The following RBFOX1 variants were observed in gnomAD, a reference collection of about 807,000 sequenced individuals.
RBFOX1 encodes the protein RNA binding protein fox-1 homolog 1.
Under a neutral mutation model 57.7 loss-of-function variants are expected in RBFOX1, and 8 were observed. The ratio of observed to expected loss-of-function variants is 0.14; its 90% confidence interval spans 0.08 to 0.25. The LOEUF (loss-of-function observed/expected upper bound fraction) is 0.25, where lower values mean the gene tolerates loss of function less well. RBFOX1 is among the 10% of genes least tolerant of loss of function. The pLI is 1.00. For synonymous variants in RBFOX1, 326 were observed against 222.4 expected, an observed-to-expected ratio of 1.47 and a Z score of -4.15; for missense variants, 611 against 548.5, an observed-to-expected ratio of 1.11 and a Z score of -1.14.
intron 3 of RBFOX1, among the ~76,000 whole-genome samples, chr16:6,794,815 T>C (rs2154251448): frequency 6.6e-6 from 1 of 152,270 alleles, no homozygotes; most frequent in Non-Finnish European, 1.5e-5. Context: ...CATGGATTTT[T>C]ATTTGATGCA....
chr16:5,582,376 G>A (rs986232580), intron 2 of RBFOX1, among the ~76,000 whole-genome samples: 2 of 152,044 alleles, frequency 1.3e-5, no homozygotes, highest in African/African-American at 2.4e-5. Context: ...TGGAAAACAT[G>A]GACCACACTG....
intron 3 of RBFOX1, among the ~76,000 whole-genome samples, chr16:6,693,951 T>C (rs1568244978): frequency 6.6e-6 from 1 of 152,260 alleles, no homozygotes; most frequent in East Asian, 1.9e-4. Flanking sequence ...CACTATTATT[T>C]CTCCTATTTT....
intron 2 of RBFOX1, among the ~76,000 whole-genome samples, chr16:5,510,154 C>T (rs957525831): frequency 6.6e-6 from 1 of 152,214 alleles, no homozygotes; most frequent in African/African-American, 2.4e-5. Context: ...GGTTATTTAA[C>T]CTCTCTGTGC....
intron 2 of RBFOX1, among the ~76,000 whole-genome samples, chr16:5,512,085 T>C (rs551215789): frequency 1.4e-3 from 214 of 152,280 alleles, no homozygotes; most frequent in African/African-American, 4.4e-3. Flanking sequence ...TGGGGTGATA[T>C]GTCTTGTCCG....
intron 1 of RBFOX1, among the ~76,000 whole-genome samples, chr16:6,156,940 C>T (rs1012484390): frequency 2.0e-5 from 3 of 152,080 alleles, no homozygotes; most frequent in Admixed American, 6.6e-5. Context: ...CCTGAGCTCA[C>T]GTGATCCTCC....
At chr16:7,476,962 G>A (rs550532263) in intron 4 of RBFOX1, among the ~76,000 whole-genome samples, 3 of 152,176 alleles carry the variant, frequency 2.0e-5, no homozygotes, top group Non-Finnish European at 2.9e-5. Context: ...CCATCATAGT[G>A]CAATTGCATT....
Position 6,221,926 on chromosome 16 carries a change from C to T in RBFOX1, c.-126-95069C>T, listed in dbSNP as rs571267152. Among the ~76,000 whole-genome samples, 22 of 152,234 alleles carry T rather than the reference C, an allele frequency of 1.4e-4. No homozygotes were observed. In the East Asian group the frequency reaches 3.7e-3, roughly 25 times the overall value. ...AATTTGGGTGGGGACACAGCCAAAC[C>T]GTATCAACCAATATATGAGAATTGA... On this transcript the variant is annotated intron_variant, in intron 1 of 15. Coordinates refer to ENST00000550418, the MANE Select transcript of RBFOX1 (RefSeq NM_018723.4).
intron 3 of RBFOX1, among the ~76,000 whole-genome samples, chr16:5,671,271 C>A (rs1210943903): frequency 1.3e-5 from 2 of 152,106 alleles, no homozygotes; most frequent in Admixed American, 6.5e-5. Flanking sequence ...TCACTAAATG[C>A]GGTTCTGAAA....
intron 3 of RBFOX1, among the ~76,000 whole-genome samples, chr16:5,757,494 T>C (rs899348097): frequency 5.3e-5 from 8 of 152,002 alleles, no homozygotes; most frequent in African/African-American, 1.9e-4. Context: ...CCTCCAAAAG[T>C]GCTGGGATTA....
intron 3 of RBFOX1, among the ~76,000 whole-genome samples, chr16:5,668,488 G>A (rs1194922882): frequency 6.6e-6 from 1 of 152,096 alleles, no homozygotes; most frequent in Admixed American, 6.5e-5. Context: ...ATAACCACTG[G>A]CACTGCTGGA....
chr16:6,348,207 G>A (rs1257578384), intron 2 of RBFOX1, among the ~76,000 whole-genome samples: 1 of 152,148 alleles, frequency 6.6e-6, no homozygotes, highest in Non-Finnish European at 1.5e-5. Flanking sequence ...CACATGTGGG[G>A]TCAGGCCATC....
At chr16:7,065,645 A>G (rs1568617785) in intron 4 of RBFOX1, among the ~76,000 whole-genome samples, 2 of 152,100 alleles carry the variant, frequency 1.3e-5, no homozygotes, top group African/African-American at 2.4e-5. Context: ...TACTTACCTT[A>G]TTTTTTAGGG....
At chr16:7,499,333 A>G (rs2069828979) in intron 4 of RBFOX1, among the ~76,000 whole-genome samples, 5 of 152,204 alleles carry the variant, frequency 3.3e-5, no homozygotes, top group Admixed American at 3.3e-4. Flanking sequence ...TATAAGACAC[A>G]GTCATATGGA....
intron 1 of RBFOX1, among the ~76,000 whole-genome samples, chr16:5,342,016 G>GA (rs1174044383): frequency 1.3e-5 from 2 of 152,046 alleles, no homozygotes; most frequent in African/African-American, 4.8e-5. Context: ...CTTCTGCATG[G>GA]AAAAAAGAGT....
intron 4 of RBFOX1, among the ~76,000 whole-genome samples, chr16:7,076,931 C>A (rs112399299): frequency 2.6e-5 from 4 of 152,288 alleles, no homozygotes; most frequent in Non-Finnish European, 4.4e-5. Flanking sequence ...TACTTTCTAA[C>A]AATTTTCTAA....
intron 3 of RBFOX1, among the ~76,000 whole-genome samples, chr16:6,699,824 T>C (rs902060793): frequency 1.3e-5 from 2 of 152,148 alleles, no homozygotes; most frequent in African/African-American, 4.8e-5. Context: ...ATGATGGTTG[T>C]ATGTAGATAA....
chr16:7,707,765 T>C (rs531091057), intron 14 of RBFOX1, among the ~76,000 whole-genome samples: 2 of 152,172 alleles, frequency 1.3e-5, no homozygotes, highest in African/African-American at 4.8e-5. Flanking sequence ...GAACCTGCTG[T>C]AGCATGAAAC....
chr16:6,076,345 C>A (rs990148253), intron 1 of RBFOX1, among the ~76,000 whole-genome samples: 1 of 148,396 alleles, frequency 6.7e-6, no homozygotes, highest in African/African-American at 2.6e-5. Flanking sequence ...CACACACACA[C>A]ATACACACAC....
At chr16:6,905,741 G>C (rs950286607) in intron 3 of RBFOX1, among the ~76,000 whole-genome samples, 1 of 152,174 alleles carries the variant, frequency 6.6e-6, no homozygotes, top group African/African-American at 2.4e-5. Context: ...CCTGAGGCAA[G>C]TTTGCATGCC....
Sources: allele counts gnomAD v4.1 joint callset (sites outside exome capture counted in the v4.1 genomes callset), GRCh38; gene constraint gnomAD v4.1.1; transcripts MANE v1.5; gene names NCBI Gene and HGNC (gene_info 2026-07-23, HGNC 2026-07-21).